The following LAMA4 variants were observed in gnomAD, a reference collection of about 807,000 sequenced individuals.
The protein encoded by LAMA4 is laminin subunit alpha-4.
LAMA4 carries 127 observed loss-of-function variants against 207.1 expected under a neutral mutation model. The observed-to-expected ratio is 0.61, with a 90% CI of 0.53 to 0.71. LAMA4 has a LOEUF of 0.71. Among genes scored for constraint, LAMA4 ranks in the 30% least tolerant of loss-of-function variants. The pLI is 0.00. For missense variants in LAMA4, 2,093 were observed against 2,246.5 expected (o/e 0.93, Z 1.38); for synonymous variants, 761 against 816.0 (o/e 0.93, Z 1.15).
At chr6:112,122,307 T>C in intron 31 of LAMA4, 106 bp from the exon 32 acceptor site, 2 of 871,200 alleles carry the variant, frequency 2.3e-6, no homozygotes, top group Non-Finnish European at 3.6e-6. Flanking sequence ...ATATTATTTG[T>C]GCATTTTCCA....
intron 32 of LAMA4, among the ~76,000 whole-genome samples, chr6:112,120,873 A>G (rs782719068): frequency 5.3e-5 from 8 of 151,960 alleles, no homozygotes; most frequent in Non-Finnish European, 8.8e-5. Context: ...GGAGTTCAAG[A>G]CCAGCTTGGG....
At chr6:112,116,466 A>C (rs782750205) in intron 35 of LAMA4, among the ~76,000 whole-genome samples, 1 of 152,222 alleles carries the variant, frequency 6.6e-6, no homozygotes, top group Non-Finnish European at 1.5e-5. Context: ...CTAGTGGTGA[A>C]GTATGGAAGT....
At chr6:112,163,651 G>A (rs1477853758) in intron 13 of LAMA4, among the ~76,000 whole-genome samples, 2 of 152,176 alleles carry the variant, frequency 1.3e-5, no homozygotes, top group Non-Finnish European at 2.9e-5. Context: ...GACAGTGGGA[G>A]TCTGGGAGGT....
chr6:112,237,317 G>C (rs1245170807), intron 2 of LAMA4, among the ~76,000 whole-genome samples: 5 of 152,208 alleles, frequency 3.3e-5, no homozygotes, highest in African/African-American at 1.2e-4. Flanking sequence ...CAAGGCAGAC[G>C]TGTGTACTGC....
intron 23 of LAMA4, 102 bp downstream of exon 23, chr6:112,139,650 C>T (rs1779567045): frequency 7.0e-7 from 1 of 1,419,672 alleles, no homozygotes; most frequent in South Asian, 1.2e-5. Context: ...AAACTGGCTT[C>T]CCCAAAGAAA....
intron 5 of LAMA4, chr6:112,196,460 G>A (rs888895594): frequency 2.0e-4 from 30 of 152,046 alleles, no homozygotes; most frequent in African/African-American, 7.0e-4. Flanking sequence ...GCTGCTTCAC[G>A]ATTCTGCACA....
Position 112,142,290 on chromosome 6 carries a change from G to T in LAMA4, c.2496C>A (p.Ile832=), listed in dbSNP as rs1554333526. ...GGCCATCAAACATCATGGAGACTTGGATCTGGAGTGACACAACGGTTTCAT... is the reference window on the plus strand; with the variant it reads ...GGCCATCAAACATCATGGAGACTTGTATCTGGAGTGACACAACGGTTTCAT... ...IAQTRSVASK[I]QVSMMFDGQS... Residue 832 remains isoleucine (I), a splice_region_variant and synonymous_variant, in exon 20 of 39, where the codon ATC becomes ATA. Transcript: ENST00000230538. 5.0e-6 allele frequency: 8 copies of T among 1,614,048 alleles called. No individual in the cohort carries two copies. Among genetic ancestry groups the T allele is most frequent in the Non-Finnish European group, 6.8e-6 (8 of 1,179,964 alleles).
intron 12 of LAMA4, chr6:112,171,650 G>A (rs1781718575): frequency 6.7e-6 from 1 of 148,178 alleles, no homozygotes; most frequent in African/African-American, 2.6e-5. Context: ...TACTTTTATT[G>A]TATAAGATAA....
chr6:112,113,269 A>G (rs969036981), intron 38 of LAMA4, among the ~76,000 whole-genome samples: 18 of 152,214 alleles, frequency 1.2e-4, no homozygotes, highest in Admixed American at 5.9e-4. Flanking sequence ...AGGTATCAAA[A>G]TATCACATGT....
intron 13 of LAMA4, among the ~76,000 whole-genome samples, chr6:112,162,965 C>CTTT (rs34824903): frequency 9.6e-4 from 88 of 91,266 alleles, no homozygotes; most frequent in African/African-American, 1.1e-3. Context: ...CAGCTCAAAT[C>CTTT]TTTTTTTTTT....
At chr6:112,204,814 G>A (rs1783964088) in intron 4 of LAMA4, among the ~76,000 whole-genome samples, 1 of 152,166 alleles carries the variant, frequency 6.6e-6, no homozygotes, top group Non-Finnish European at 1.5e-5. Context: ...TTTTGCACAT[G>A]TTATTAATAC....
chr6:112,109,449 A>G lies in LAMA4; in HGVS notation c.5460T>C (p.Cys1820=), dbSNP rs1486502558. 1.9e-6 allele frequency: 3 copies of G among 1,613,818 alleles called. No homozygotes were observed. The highest frequency in any genetic ancestry group is 1.7e-6 in the Non-Finnish European group (2 of 1,179,968). The change falls in exon 39 of 39, where the codon TGT becomes TGC. Residue 1820 remains cysteine (C), a synonymous_variant. Coordinates refer to ENST00000230538, the MANE Select transcript of LAMA4 (RefSeq NM_001105206.3). ...LVSGAVSINS[C]PAA is the part of the protein sequence containing the mutation. The stretch of plus-strand genomic sequence containing the variant: ...GTGCTCTGTCATGTCAGGCTGCTGG[A>G]CAGGAGTTGATGCTTACGGCGCCGC...
Position 112,178,045 on chromosome 6 carries a change from A to G in LAMA4, c.1189+76T>C, listed in dbSNP as rs1583807175. 8.9e-6 allele frequency: 9 copies of G among 1,011,854 alleles called. No individual in the cohort carries two copies. In the East Asian group the frequency reaches 2.1e-4, roughly 24 times the overall value. 62.7% of individuals were successfully genotyped at this position (1,011,854 alleles called of 1,614,324 possible). A position where few individuals can be genotyped will look rare whatever the true frequency, so the allele number is the denominator to read the frequency against. Reference sequence around the variant, plus strand: ...TGGCACACAGCAAACACTTAACAGTAGCCATTATGCCTACTGATGTTAATA... The same window carrying G: ...TGGCACACAGCAAACACTTAACAGTGGCCATTATGCCTACTGATGTTAATA... On this transcript the variant is annotated intron_variant, in intron 10 of 38. Transcript: ENST00000230538.
intron 5 of LAMA4, among the ~76,000 whole-genome samples, chr6:112,197,128 A>G (rs966843111): frequency 1.8e-4 from 28 of 152,192 alleles, no homozygotes; most frequent in African/African-American, 6.8e-4. Flanking sequence ...CCCAGTAAGT[A>G]CTTAATAAAT....
rs1047107969 is a variant in LAMA4 at position 112,148,434 on chromosome 6, C to T, written c.2174-98G>A. 19 of 1,331,086 alleles carry T rather than the reference C, an allele frequency of 1.4e-5. No individual in the cohort carries two copies. In the African/African-American group the frequency reaches 2.3e-4, roughly 16 times the overall value. 82.5% of individuals were successfully genotyped at this position (1,331,086 alleles called of 1,614,324 possible). A position where few individuals can be genotyped will look rare whatever the true frequency, so the allele number is the denominator to read the frequency against. ...TAACCCTTGAATGAAACAGATCTCA[C>T]ATTTTGGGCTCTTAAGCAAAAGTAA... is the stretch of plus-strand genomic sequence containing the variant. On this transcript the variant is annotated intron_variant, in intron 17 of 38. Coordinates refer to ENST00000230538, the MANE Select transcript of LAMA4 (RefSeq NM_001105206.3).
intron 24 of LAMA4, 98 bp downstream of exon 24, chr6:112,139,022 T>C: frequency 8.4e-7 from 1 of 1,185,178 alleles, no homozygotes; most frequent in East Asian, 2.3e-5. Flanking sequence ...TTCAGTTTGA[T>C]GGCATGACAC....
chr6:112,114,783 A>G, intron 36 of LAMA4, 27 bp from the exon 37 acceptor site: 1 of 1,474,946 alleles, frequency 6.8e-7, no homozygotes, highest in Non-Finnish European at 9.5e-7. Flanking sequence ...ACATTGTATG[A>G]TTTAGTTTGT....
rs115263783 is a variant in LAMA4, at chr6:112,162,642, T to G, written c.1668+2518A>C. 5.8e-3 allele frequency among the ~76,000 whole-genome samples: 885 copies of G among 152,144 alleles called. 4 individuals are homozygous for G. Among genetic ancestry groups the G allele is most frequent in the African/African-American group, 0.02 (844 of 41,504 alleles). On this transcript the variant is annotated intron_variant, in intron 13 of 38. Coordinates refer to ENST00000230538, the MANE Select transcript of LAMA4 (RefSeq NM_001105206.3). ...GAGAAGACTGGGGAAGGAGTGGGTT[T>G]TATTTAAGACATGTCAAGTTTGATA...
intron 2 of LAMA4, among the ~76,000 whole-genome samples, chr6:112,219,948 G>C (rs941507110): frequency 2.6e-5 from 4 of 151,988 alleles, no homozygotes; most frequent in Non-Finnish European, 5.9e-5. Context: ...ACCATCTTGC[G>C]TGCCATTAAT....
Sources: allele counts gnomAD v4.1 joint callset (sites outside exome capture counted in the v4.1 genomes callset), GRCh38; gene constraint gnomAD v4.1.1; transcripts MANE v1.5; gene names NCBI Gene and HGNC (gene_info 2026-07-23, HGNC 2026-07-21).